The following CLVS1 variants were observed in gnomAD, a reference collection of about 807,000 sequenced individuals.
The protein encoded by CLVS1 is clavesin 1.
A neutral mutation model predicts 33.1 loss-of-function variants in CLVS1; 10 were observed. The ratio of observed to expected loss-of-function variants is 0.30; its 90% CI spans 0.19 to 0.51. The LOEUF (loss-of-function observed/expected upper bound fraction) is 0.51. Ranked by LOEUF, CLVS1 falls within the 20% of genes least tolerant of loss-of-function variation. CLVS1 has a pLI of 0.97. For synonymous variants in CLVS1, 163 were observed against 166.1 expected (o/e 0.98, Z 0.14); for missense variants, 343 against 433.4 (o/e 0.79, Z 1.85).
At chr8:61,026,009 G>C in the CLVS1 span, among the ~76,000 whole-genome samples, 1 of 152,088 alleles carries the variant, frequency 6.6e-6, no homozygotes, top group Non-Finnish European at 1.5e-5. Context: ...GATGTTCCAG[G>C]CTGAATGTCC....
chr8:61,335,255 T>C (rs1811756217), intron 2 of CLVS1, among the ~76,000 whole-genome samples: 1 of 152,214 alleles, frequency 6.6e-6, no homozygotes, highest in Non-Finnish European at 1.5e-5. Flanking sequence ...TGAATGTTAG[T>C]TCTACAAAGG....
intron 2 of CLVS1, among the ~76,000 whole-genome samples, chr8:61,264,150 C>A (rs1809259444): frequency 6.6e-6 from 1 of 152,082 alleles, no homozygotes; most frequent in African/African-American, 2.4e-5. Context: ...GCACTTGAGC[C>A]TCTGACATTA....
At chr8:61,234,165 G>C (rs984226730) in intron 2 of CLVS1, among the ~76,000 whole-genome samples, 1 of 152,166 alleles carries the variant, frequency 6.6e-6, no homozygotes, top group Admixed American at 6.5e-5. Context: ...CCGGCGTTAG[G>C]GGGTACCAGC....
chr8:61,058,985 A>T (rs1563387683), intron 1 of CLVS1, among the ~76,000 whole-genome samples: 1 of 152,130 alleles, frequency 6.6e-6, no homozygotes, highest in Non-Finnish European at 1.5e-5. Flanking sequence ...TTAATATTAC[A>T]AATAGAGCTT....
At chr8:61,297,700 T>TG (rs1810268597) in intron 1 of CLVS1, among the ~76,000 whole-genome samples, 1 of 152,118 alleles carries the variant, frequency 6.6e-6, no homozygotes, top group Non-Finnish European at 1.5e-5. Flanking sequence ...TGGCAGATCA[T>TG]GGGGGCAGGA....
At chr8:61,038,453 A>ATGACATATATATATATACACGTATATATG in the CLVS1 span, among the ~76,000 whole-genome samples, 1 of 147,164 alleles carries the variant, frequency 6.8e-6, no homozygotes, top group East Asian at 2.0e-4. Context: ...ATATATATAT[A>ATGACATATATATATATACACGTATATATG]TATGACATAT....
At chr8:61,266,309 T>C (rs894255098) in intron 2 of CLVS1, among the ~76,000 whole-genome samples, 5 of 131,750 alleles carry the variant, frequency 3.8e-5, no homozygotes, top group African/African-American at 1.5e-4. Context: ...TTTTTTTTTT[T>C]CTGCCTCATA....
chr8:61,363,359 C>G (rs1004637533), intron 2 of CLVS1, among the ~76,000 whole-genome samples: 1 of 152,258 alleles, frequency 6.6e-6, no homozygotes, highest in Non-Finnish European at 1.5e-5. Flanking sequence ...ATATTTTGGA[C>G]CCACTTTGAA....
chr8:60,982,447 G>A, the CLVS1 span, among the ~76,000 whole-genome samples: 1 of 152,282 alleles, frequency 6.6e-6, no homozygotes, highest in East Asian at 1.9e-4. Context: ...TTAGATTTCT[G>A]TACTAACTGG....
intron 5 of CLVS1, among the ~76,000 whole-genome samples, chr8:61,474,034 C>G (rs1461031116): frequency 6.6e-6 from 1 of 152,060 alleles, no homozygotes; most frequent in Admixed American, 6.6e-5. Context: ...GAGGCAAATG[C>G]AAGCCATGGG....
chr8:61,023,678 A>G, the CLVS1 span, among the ~76,000 whole-genome samples: 3 of 152,012 alleles, frequency 2.0e-5, no homozygotes. Context: ...CGCAGCTCGG[A>G]GCGCCATCTA....
chr8:61,010,991 T>C, the CLVS1 span, among the ~76,000 whole-genome samples: 16 of 152,254 alleles, frequency 1.1e-4, no homozygotes, highest in African/African-American at 3.6e-4. Flanking sequence ...CCAATTCAGC[T>C]AAGAGTCCCC....
intron 2 of CLVS1, among the ~76,000 whole-genome samples, chr8:61,258,791 C>T (rs1809138648): frequency 6.6e-6 from 1 of 152,120 alleles, no homozygotes; most frequent in African/African-American, 2.4e-5. Flanking sequence ...TCGTCTAGTA[C>T]AATGATTACA....
intron 3 of CLVS1, among the ~76,000 whole-genome samples, chr8:61,411,233 C>T (rs766414216): frequency 6.6e-6 from 1 of 152,132 alleles, no homozygotes; most frequent in African/African-American, 2.4e-5. Context: ...ATAAAAAAGT[C>T]GTTGTTCAGG....
intron 2 of CLVS1, among the ~76,000 whole-genome samples, chr8:61,318,377 A>G (rs1020842388): frequency 1.3e-5 from 2 of 152,272 alleles, no homozygotes; most frequent in African/African-American, 2.4e-5. Context: ...TATTGAACAT[A>G]TACTGCATGC....
At chr8:61,142,119 T>A (rs1282745958) in intron 2 of CLVS1, among the ~76,000 whole-genome samples, 2 of 152,192 alleles carry the variant, frequency 1.3e-5, no homozygotes, top group Admixed American at 6.5e-5. Context: ...TGCACCCAAA[T>A]CTCATGTCAA....
At chr8:61,070,243 T>G (rs1309207919) in intron 1 of CLVS1, among the ~76,000 whole-genome samples, 1 of 152,206 alleles carries the variant, frequency 6.6e-6, no homozygotes, top group Non-Finnish European at 1.5e-5. Context: ...TTTCTGTGTT[T>G]TGTGTGCGTC....
the CLVS1 span, among the ~76,000 whole-genome samples, chr8:60,973,013 G>C: frequency 6.6e-6 from 1 of 152,206 alleles, no homozygotes; most frequent in South Asian, 2.1e-4. Flanking sequence ...CCAGTGCTGG[G>C]GTGGTTGAGG....
intron 2 of CLVS1, among the ~76,000 whole-genome samples, chr8:61,231,619 AT>A (rs1808434979): frequency 6.6e-6 from 1 of 152,160 alleles, no homozygotes; most frequent in African/African-American, 2.4e-5. Flanking sequence ...CACCTATTGT[AT>A]TATTTAAGAT....
Sources: allele counts gnomAD v4.1 joint callset (sites outside exome capture counted in the v4.1 genomes callset), GRCh38; gene constraint gnomAD v4.1.1; transcripts MANE v1.5; gene names NCBI Gene and HGNC (gene_info 2026-07-23, HGNC 2026-07-21).